TRIP12: variants seen among roughly 807,000 people sequenced by gnomAD.
TRIP12 encodes thyroid hormone receptor interactor 12.
TRIP12 carries 25 observed loss-of-function variants against 244.2 expected under a neutral mutation model. The ratio of observed to expected loss-of-function variants is 0.10; its 90% CI spans 0.07 to 0.14. The LOEUF is 0.14. Ranked by LOEUF, TRIP12 falls within the 10% of genes least tolerant of loss-of-function variation. The probability of loss-of-function intolerance (pLI) is 1.00; values close to 1 mark genes in which losing one functional copy is unlikely to be tolerated. For synonymous variants in TRIP12, 905 were observed against 873.1 expected (o/e 1.04, Z -0.64); for missense variants, 1,677 against 2,486.4 (o/e 0.67, Z 6.92).
chr2:229,910,114 G>A (rs1398936108), intron 1 of TRIP12, among the ~76,000 whole-genome samples: 1 of 152,082 alleles, frequency 6.6e-6, no homozygotes, highest in Non-Finnish European at 1.5e-5. Context: ...TAGAACTGTT[G>A]TTTTACTAAG....
chr2:229,814,690 TAAAC>T (rs2048084474), intron 11 of TRIP12, among the ~76,000 whole-genome samples: 1 of 152,160 alleles, frequency 6.6e-6, no homozygotes, highest in Admixed American at 6.5e-5. Flanking sequence ...TGTTGTGCGT[TAAAC>T]AAACAAAAAG....
At chr2:229,796,955 C>T (rs1396676802) in intron 24 of TRIP12, among the ~76,000 whole-genome samples, 173 bp from the exon 25 acceptor site, 1 of 152,094 alleles carries the variant, frequency 6.6e-6, no homozygotes, top group African/African-American at 2.4e-5. Context: ...AACACACACA[C>T]ACACACACTA....
At chr2:229,779,042 T>C (rs774928019) in intron 34 of TRIP12, 52 bp from the exon 35 acceptor site, 3 of 1,470,634 alleles carry the variant, frequency 2.0e-6, no homozygotes, top group Admixed American at 3.4e-5. Flanking sequence ...TTGTGTTTTT[T>C]TACTGCCAAC....
chr2:229,830,828 C>G lies in TRIP12; in HGVS notation c.1282G>C (p.Val428Leu), dbSNP rs2053151028. The change falls in exon 7 of 42, where the codon GTT (valine) becomes CTT (leucine). Residue 428 changes from valine (V) to leucine (L), a missense_variant. Val to Leu is a conservative substitution (Grantham distance 32, BLOSUM62 1). Transcript: ENST00000675903. The part of the protein sequence containing the change: ...APQGAAASSS[V>L]AGAVGMTTSG... ...GTGGTCATGCCAACAGCCCCTGCAA[C>G]AGAACTAGAGGCTTGGGGTGGAGGG... 5.6e-6 allele frequency: 9 copies of G among 1,614,082 alleles called. No homozygotes were observed. Among genetic ancestry groups the G allele is most frequent in the Non-Finnish European group, 7.6e-6 (9 of 1,180,008 alleles).
At chr2:229,850,966 C>T (rs1186157362) in intron 4 of TRIP12, among the ~76,000 whole-genome samples, 2 of 152,144 alleles carry the variant, frequency 1.3e-5, no homozygotes, top group African/African-American at 4.8e-5. Flanking sequence ...GCGCAGGCCT[C>T]GGGAGAGCAG....
In TRIP12 at chr2:229,774,318, T is replaced by TA. The variant is rs536200187; in HGVS notation, c.5530-58dup. ...CAAGCAAAATTAACTTACGGTTGTT[T>TA]AAAAAAATAAAAGATATCCTAATAA... On this transcript the variant is annotated intron_variant, in intron 37 of 41. Coordinates refer to ENST00000675903, the MANE Select transcript of TRIP12 (RefSeq NM_001348323.3). 3.2e-4 allele frequency: 478 copies of TA among 1,506,316 alleles called. No homozygotes were observed. The African/African-American group carries it at 5.9e-3, about 19-fold the overall frequency. The allele number at this position is 1,506,316 out of a possible 1,614,324, so 93.3% of individuals were successfully genotyped here.
In TRIP12 at chr2:229,777,304, T is replaced by C; in HGVS notation, c.5529+11A>G. ...AGACTTGATCTACTGGACTGTTTCT[T>C]CTAAGCCTACCTGGGATTTATCTTG... On this transcript the variant is annotated intron_variant, in intron 37 of 41. Coordinates refer to ENST00000675903, the MANE Select transcript of TRIP12 (RefSeq NM_001348323.3). The C allele has an allele frequency of 1.9e-6, 3 of 1,612,026 alleles. No individual in the cohort carries two copies. Among genetic ancestry groups the C allele is most frequent in the Non-Finnish European group, 2.5e-6 (3 of 1,178,502 alleles).
At chr2:229,843,232 G>C (rs184121086) in intron 4 of TRIP12, among the ~76,000 whole-genome samples, 109 of 152,022 alleles carry the variant, frequency 7.2e-4, no homozygotes, top group Middle Eastern at 3.4e-3. Context: ...CAAAGGTTTT[G>C]TGTCATGAAG....
At chr2:229,806,273 C>T (rs2045858589) in intron 17 of TRIP12, 1 of 154,886 alleles carries the variant, frequency 6.5e-6, no homozygotes, top group African/African-American at 2.4e-5. Flanking sequence ...ATATTATTTA[C>T]ATGATGAATT....
Position 229,836,866 on chromosome 2 carries a change from C to T in TRIP12, c.1252G>A (p.Ala418Thr), listed in dbSNP as rs2054963686. Residue 418 changes from alanine to threonine, a missense_variant, in exon 6 of 42, where the codon GCT (alanine) becomes ACT (threonine). Physicochemically the swap from Ala to Thr is moderately conservative, Grantham distance 58. Around this residue, in one of 11 missense-constraint regions of TRIP12, gnomAD observed 143 missense variants for 215.6 expected, o/e 0.66. Transcript: ENST00000675903. ...VNSSAARTDE[A>T]PQGAAASSSV... is the part of the protein sequence containing the mutation. ...AATCTACCTGCAGCTCCTTGGGGAG[C>T]TTCATCTGTCCGAGCAGCTGAAGAA... is the stretch of plus-strand genomic sequence containing the variant. The T allele has an allele frequency of 6.3e-7, 1 of 1,592,808 alleles. No individual in the cohort carries two copies. The highest frequency in any genetic ancestry group is 1.4e-5 in the African/African-American group (1 of 73,120).
chr2:229,865,231 C>T (rs1402156261), intron 2 of TRIP12, among the ~76,000 whole-genome samples: 2 of 148,480 alleles, frequency 1.3e-5, no homozygotes, highest in Non-Finnish European at 3.0e-5. Flanking sequence ...GAAGATCACT[C>T]GAGCCTAGCA....
In TRIP12 at chr2:229,911,001, G is replaced by C. The variant is rs190192690; in HGVS notation, c.-50+10879C>G. Among the ~76,000 whole-genome samples, 5 of 152,326 alleles carry C rather than the reference G, an allele frequency of 3.3e-5. No individual in the cohort carries two copies. The East Asian group carries it at 9.6e-4, about 29-fold the overall frequency. ...TTTGGACCTGGGGTGGAAGGGTAGA[G>C]AGCAGGGTCAAATTCCCTTGAGACT... On this transcript the variant is annotated intron_variant, in intron 1 of 41. Transcript: ENST00000675903.
chr2:229,920,728 ATG>A (rs898196902), intron 1 of TRIP12, among the ~76,000 whole-genome samples: 17 of 151,968 alleles, frequency 1.1e-4, no homozygotes, highest in Non-Finnish European at 1.5e-5. Flanking sequence ...CCCGATTTAC[ATG>A]TGTTTTTATG....
At chr2:229,827,046 T>G (rs897763666) in intron 8 of TRIP12, among the ~76,000 whole-genome samples, 3 of 152,118 alleles carry the variant, frequency 2.0e-5, no homozygotes, top group Non-Finnish European at 4.4e-5. Flanking sequence ...TTTGGGAGGC[T>G]GAGGCAGGCA....
Position 229,859,449 on chromosome 2 carries a change from C to G in TRIP12, c.350G>C (p.Ser117Thr). ...KKDNSRGVKR[S>T]ASPDYNRTNS... ...GGTCCTGTTGTAGTCTGGACTAGCA[C>G]TGCGCTTCACTCCTCGAGAATTGTC... The change falls in exon 4 of 42, where the codon AGT becomes ACT. Residue 117 changes from serine (S) to threonine (T), a missense_variant. Coordinates refer to ENST00000675903, the MANE Select transcript of TRIP12 (RefSeq NM_001348323.3). 1 of 1,614,216 alleles carries G rather than the reference C, an allele frequency of 6.2e-7. No homozygotes were observed. Among genetic ancestry groups the G allele is most frequent in the Non-Finnish European group, 8.5e-7 (1 of 1,180,042 alleles).
chr2:229,814,208 AG>A (rs2047949091), intron 12 of TRIP12, 24 bp downstream of exon 12: 1 of 1,604,844 alleles, frequency 6.2e-7, no homozygotes, highest in African/African-American at 1.3e-5. Flanking sequence ...AGTGAAATGT[AG>A]TCCCCTTCAG....
At chr2:229,893,126 T>C (rs551392676) in intron 1 of TRIP12, among the ~76,000 whole-genome samples, 4 of 152,380 alleles carry the variant, frequency 2.6e-5, no homozygotes, top group South Asian at 2.1e-4. Context: ...AAGTCCCATC[T>C]AGCTTCTACA....
chr2:229,880,978 T>C (rs2064743606), intron 1 of TRIP12, among the ~76,000 whole-genome samples: 1 of 152,116 alleles, frequency 6.6e-6, no homozygotes, highest in African/African-American at 2.4e-5. Context: ...TGTAAAACTA[T>C]AGTATCTTAC....
intron 40 of TRIP12, among the ~76,000 whole-genome samples, 172 bp downstream of exon 40, chr2:229,769,059 T>G (rs546381103): frequency 6.6e-6 from 1 of 152,362 alleles, no homozygotes; most frequent in East Asian, 1.9e-4. Flanking sequence ...ATTTCCCATC[T>G]TCAGAGAAAT....
Sources: allele counts gnomAD v4.1 joint callset (sites outside exome capture counted in the v4.1 genomes callset), GRCh38; gene constraint gnomAD v4.1.1; regional missense constraint gnomAD v4.1.1; transcripts MANE v1.5; gene names NCBI Gene and HGNC (gene_info 2026-07-23, HGNC 2026-07-21).